The following NRXN3 variants were observed in gnomAD, a reference collection of about 807,000 sequenced individuals.
The protein encoded by NRXN3 is neurexin III.
In NRXN3, 32 loss-of-function variants were observed where a neutral mutation model predicts 137.6. The ratio of observed to expected loss-of-function variants is 0.23; its 90% CI spans 0.18 to 0.31. The LOEUF (loss-of-function observed/expected upper bound fraction) is 0.31. Ranked by LOEUF, NRXN3 falls within the 10% of genes least tolerant of loss-of-function variation. The pLI is 1.00. For synonymous variants in NRXN3, 798 were observed against 784.5 expected (o/e 1.02, Z -0.29); for missense variants, 1,574 against 2,062.5 (o/e 0.76, Z 4.59).
chr14:78,937,795 T>A (rs1264024860), intron 10 of NRXN3, among the ~76,000 whole-genome samples: 2 of 152,244 alleles, frequency 1.3e-5, no homozygotes, highest in Admixed American at 6.5e-5. Context: ...TCACAACTCA[T>A]GGTCAGACAA....
chr14:79,280,476 G>T, intron 15 of NRXN3: 3 of 1,613,976 alleles, frequency 1.9e-6, no homozygotes, highest in Non-Finnish European at 2.5e-6. Context: ...TTCCATGGCA[G>T]CAAGCATCAC....
chr14:78,908,902 C>T (rs1420529218), intron 10 of NRXN3, among the ~76,000 whole-genome samples: 3 of 152,102 alleles, frequency 2.0e-5, no homozygotes, highest in African/African-American at 7.2e-5. Context: ...ACAAGAAGAT[C>T]TTAAAGATGA....
chr14:78,441,781 C>T (rs532764713), intron 4 of NRXN3, among the ~76,000 whole-genome samples: 11 of 152,262 alleles, frequency 7.2e-5, no homozygotes, highest in Non-Finnish European at 1.6e-4. Context: ...GACGGCCCTA[C>T]ATTTAATGAG....
rs1291859038 is a variant in NRXN3 at position 79,388,083 on chromosome 14, C to G, written c.3263-79138C>G. 2.0e-5 allele frequency among the ~76,000 whole-genome samples: 3 copies of G among 150,414 alleles called. No individual in the cohort carries two copies. In the South Asian group the frequency reaches 6.4e-4, roughly 32 times the overall value. On this transcript the variant is annotated intron_variant, in intron 15 of 20. Coordinates refer to ENST00000335750, the MANE Select transcript of NRXN3 (RefSeq NM_001330195.2). ...AAACCTGCACGTTGTGCACATGTACCCTAAAACTTAAAGTATAATAAAAAA... is the reference window on the plus strand; with the variant it reads ...AAACCTGCACGTTGTGCACATGTACGCTAAAACTTAAAGTATAATAAAAAA...
intron 10 of NRXN3, among the ~76,000 whole-genome samples, chr14:78,845,887 A>G (rs1050051816): frequency 1.3e-5 from 2 of 150,812 alleles, no homozygotes; most frequent in African/African-American, 4.9e-5. Context: ...ATATTTCAGG[A>G]CAGTATGAGT....
intron 6 of NRXN3, among the ~76,000 whole-genome samples, chr14:78,678,955 T>C (rs750034519): frequency 3.9e-5 from 6 of 152,174 alleles, no homozygotes; most frequent in Non-Finnish European, 8.8e-5. Flanking sequence ...ATTTCATTAC[T>C]CTGGCCTCAA....
At chr14:78,497,064 C>T (rs995330181) in intron 4 of NRXN3, among the ~76,000 whole-genome samples, 3 of 152,030 alleles carry the variant, frequency 2.0e-5, no homozygotes, top group Non-Finnish European at 4.4e-5. Context: ...CAAAACAGAC[C>T]TCACCCACCA....
At position 79,257,442 on chromosome 14, in the gene NRXN3, GTAGTGA is replaced by G. The variant is rs377112965; in HGVS notation, c.3263-209777_3263-209772del. 2.9e-3 allele frequency among the ~76,000 whole-genome samples: 69 copies of G among 23,424 alleles called. 4 individuals carry two copies. Among genetic ancestry groups the G allele is most frequent in the Non-Finnish European group, 3.6e-3 (45 of 12,340 alleles). The allele number at this position is 23,424 out of a possible 152,430, so 15.4% of individuals were successfully genotyped here. A position where few individuals can be genotyped will look rare whatever the true frequency, so the allele number is the denominator to read the frequency against. On this transcript the variant is annotated intron_variant, in intron 15 of 20. Transcript: ENST00000335750. ...GGTGGTGATGGTGGTGGTGGTGGTG[GTAGTGA>G]TGGTGGTGGTGGTGGTGGTGGTGAT...
At chr14:79,762,481 A>G (rs1420468808) in intron 19 of NRXN3, among the ~76,000 whole-genome samples, 1 of 150,678 alleles carries the variant, frequency 6.6e-6, no homozygotes, top group Non-Finnish European at 1.5e-5. Context: ...TTTTTTTTCA[A>G]TTTAATAAAT....
chr14:78,261,575 T>C (rs2070729767), intron 2 of NRXN3, among the ~76,000 whole-genome samples: 1 of 152,264 alleles, frequency 6.6e-6, no homozygotes, highest in South Asian at 2.1e-4. Flanking sequence ...CTTTTACTTG[T>C]ATTAAATTGT....
At chr14:78,831,613 C>A (rs969324548) in intron 10 of NRXN3, among the ~76,000 whole-genome samples, 1 of 147,772 alleles carries the variant, frequency 6.8e-6, no homozygotes, top group African/African-American at 2.5e-5. Flanking sequence ...GCAGAGTTTT[C>A]ATGGGTGAAT....
chr14:79,443,011 C>G (rs1291418493), intron 15 of NRXN3, among the ~76,000 whole-genome samples: 3 of 152,206 alleles, frequency 2.0e-5, no homozygotes, highest in African/African-American at 7.2e-5. Flanking sequence ...TCAGCTGGCT[C>G]TGTGTGCATG....
chr14:79,579,524 C>T (rs2097695673), intron 16 of NRXN3, among the ~76,000 whole-genome samples: 1 of 151,670 alleles, frequency 6.6e-6, no homozygotes, highest in Non-Finnish European at 1.5e-5. Context: ...AATTATCATT[C>T]ATGTAGAATA....
At chr14:79,505,600 T>A (rs2096870625) in intron 16 of NRXN3, among the ~76,000 whole-genome samples, 1 of 152,226 alleles carries the variant, frequency 6.6e-6, no homozygotes, top group East Asian at 1.9e-4. Flanking sequence ...AGGAAATGGT[T>A]ATACTGGAGA....
intron 19 of NRXN3, among the ~76,000 whole-genome samples, chr14:79,733,952 A>G (rs2098933227): frequency 6.6e-6 from 1 of 152,148 alleles, no homozygotes; most frequent in Non-Finnish European, 1.5e-5. Flanking sequence ...TAAAATGATA[A>G]ACATGACTCT....
At chr14:79,389,789 GTC>G (rs146287680) in intron 15 of NRXN3, among the ~76,000 whole-genome samples, 1 of 151,948 alleles carries the variant, frequency 6.6e-6, no homozygotes, top group African/African-American at 2.4e-5. Context: ...TGAAAGGTCT[GTC>G]TCTCTCTCTC....
At chr14:78,769,975 C>T (rs1265616152) in intron 8 of NRXN3, among the ~76,000 whole-genome samples, 2 of 150,718 alleles carry the variant, frequency 1.3e-5, no homozygotes, top group Non-Finnish European at 1.5e-5. Flanking sequence ...AAAAAAAGGC[C>T]GCATGGGATG....
chr14:79,490,012 G>A (rs924826180), intron 16 of NRXN3, among the ~76,000 whole-genome samples: 14 of 145,102 alleles, frequency 9.6e-5, no homozygotes, highest in Non-Finnish European at 1.9e-4. Flanking sequence ...GCACTCCAGC[G>A]TGGGGGACAG....
intron 4 of NRXN3, among the ~76,000 whole-genome samples, chr14:78,561,020 T>G (rs1215617137): frequency 6.6e-6 from 1 of 152,182 alleles, no homozygotes; most frequent in Admixed American, 6.5e-5. Context: ...ACTTCCCAAA[T>G]TTTAGTGACT....
Sources: allele counts gnomAD v4.1 joint callset (sites outside exome capture counted in the v4.1 genomes callset), GRCh38; gene constraint gnomAD v4.1.1; transcripts MANE v1.5; gene names NCBI Gene and HGNC (gene_info 2026-07-23, HGNC 2026-07-21).